Variants in IQGAP2 observed in about 807,000 individuals in gnomAD.
IQGAP2 encodes the protein ras GTPase-activating-like protein IQGAP2.
A neutral mutation model predicts 201.3 loss-of-function variants in IQGAP2; 173 were observed. The ratio of observed to expected loss-of-function variants is 0.86; its 90% CI spans 0.76 to 0.98. The LOEUF (loss-of-function observed/expected upper bound fraction) is 0.98. Among genes scored for constraint, IQGAP2 ranks in the 50% least tolerant of loss-of-function variants. The probability of loss-of-function intolerance (pLI) is 0.00; values close to 1 mark genes in which losing one functional copy is unlikely to be tolerated. For missense variants in IQGAP2, 1,687 were observed against 1,864.8 expected (o/e 0.90, Z 1.76); for synonymous variants, 675 against 673.9 (o/e 1.00, Z -0.03).
At chr5:76,536,350 C>T (rs902458041) in intron 2 of IQGAP2, among the ~76,000 whole-genome samples, 1 of 151,016 alleles carries the variant, frequency 6.6e-6, no homozygotes, top group African/African-American at 2.4e-5. Context: ...GGATCACAGG[C>T]GTGAGCTACC....
chr5:76,606,790 C>A (rs1473993852), intron 12 of IQGAP2: 2 of 152,182 alleles, frequency 1.3e-5, no homozygotes, highest in Non-Finnish European at 2.9e-5. Context: ...TGAAAGCATA[C>A]CAACCTCAGG....
Position 76,677,273 on chromosome 5 carries a change from G to A in IQGAP2, c.3583G>A (p.Asp1195Asn). Residue 1195 changes from aspartate (D) to asparagine (N), a missense_variant, in exon 28 of 36, where the codon GAC becomes AAC. Physicochemically the swap from Asp to Asn is conservative, Grantham distance 23. Coordinates refer to ENST00000274364, the MANE Select transcript of IQGAP2 (RefSeq NM_006633.5). The part of the protein sequence containing the change: ...VPEPEEKFNM[D>N]KYTDLVTVSK... ...TGAGCCAGAAGAGAAGTTTAATATG[G>A]ACAAATACACAGACCTGGTGACAGT... 2 of 1,613,204 alleles carry A rather than the reference G, an allele frequency of 1.2e-6. No individual in the cohort carries two copies. Among genetic ancestry groups the A allele is most frequent in the Non-Finnish European group, 1.7e-6 (2 of 1,179,410 alleles).
At chr5:76,597,831 A>G (rs1747146763) in intron 10 of IQGAP2, among the ~76,000 whole-genome samples, 1 of 152,228 alleles carries the variant, frequency 6.6e-6, no homozygotes. Context: ...GCAGTGGTCT[A>G]TACATATACC....
At chr5:76,565,172 C>T (rs1744659473) in intron 3 of IQGAP2, among the ~76,000 whole-genome samples, 1 of 152,110 alleles carries the variant, frequency 6.6e-6, no homozygotes. Context: ...TGTCACATAG[C>T]CCTTTGCAAG....
chr5:76,520,700 CTT>C (rs5868829), intron 2 of IQGAP2, among the ~76,000 whole-genome samples: 1 of 109,232 alleles, frequency 9.2e-6, no homozygotes. Flanking sequence ...GGTCTCTCCT[CTT>C]TTTTTTTTTT....
chr5:76,482,014 C>CT (rs1257441382), intron 2 of IQGAP2, among the ~76,000 whole-genome samples: 2 of 152,332 alleles, frequency 1.3e-5, no homozygotes, highest in African/African-American at 2.4e-5. Context: ...GTGCACTTAA[C>CT]TTTTTTCTCC....
intron 2 of IQGAP2, among the ~76,000 whole-genome samples, chr5:76,545,109 A>G (rs1359771481): frequency 6.6e-6 from 1 of 152,174 alleles, no homozygotes. Context: ...AAACTATACA[A>G]TTGTTACACT....
intron 15 of IQGAP2, among the ~76,000 whole-genome samples, chr5:76,633,012 A>G (rs576654384): frequency 1.9e-3 from 290 of 152,272 alleles, no homozygotes; most frequent in Admixed American, 3.0e-3. Flanking sequence ...TCTCTTCATC[A>G]AGAATTACTG....
chr5:76,702,497 AT>A lies in IQGAP2; in HGVS notation c.4524del (p.Phe1508LeufsTer4). ...TTCTTCACAGGTTTAAGAATGTTAC[AT>A]TTGATATCATAGCTACTGAAGATGT... ...LQTNQFKNVT[F>X]DIIATEDVGI... On this transcript the variant is annotated frameshift_variant, in exon 35 of 36. Transcript: ENST00000274364. LOFTEE classifies it high-confidence loss of function. 1 of 1,536,084 alleles carries A rather than the reference AT, an allele frequency of 6.5e-7. No individual in the cohort carries two copies. Among genetic ancestry groups the A allele is most frequent in the Non-Finnish European group, 9.0e-7 (1 of 1,109,180 alleles).
intron 17 of IQGAP2, among the ~76,000 whole-genome samples, chr5:76,645,302 G>A (rs1029080622): frequency 2.0e-5 from 3 of 152,180 alleles, no homozygotes; most frequent in African/African-American, 7.2e-5. Flanking sequence ...CAGCACTGCA[G>A]TAAACATACT....
At chr5:76,625,832 G>C (rs1750170006) in intron 13 of IQGAP2, among the ~76,000 whole-genome samples, 1 of 152,164 alleles carries the variant, frequency 6.6e-6, no homozygotes, top group Non-Finnish European at 1.5e-5. Context: ...TCACAGTCTT[G>C]ACTTAGGATT....
At chr5:76,460,758 A>G (rs972104566) in intron 1 of IQGAP2, among the ~76,000 whole-genome samples, 8 of 151,952 alleles carry the variant, frequency 5.3e-5, no homozygotes, top group Non-Finnish European at 1.0e-4. Flanking sequence ...TGAGGTCTCC[A>G]TGTTCAAGGA....
intron 23 of IQGAP2, 62 bp from the exon 24 acceptor site, chr5:76,671,697 A>G: frequency 7.9e-7 from 1 of 1,261,536 alleles, no homozygotes; most frequent in Non-Finnish European, 1.1e-6. Context: ...GGGAAAAAAA[A>G]AAAAAAAAAA....
chr5:76,461,470 T>A (rs1435560154), intron 1 of IQGAP2, 100 bp from the exon 2 acceptor site: 2 of 706,852 alleles, frequency 2.8e-6, no homozygotes, highest in Non-Finnish European at 4.7e-6. Flanking sequence ...TCTCTGAATG[T>A]TAAATGTTCA....
At chr5:76,610,983 T>G (rs758030572) in intron 12 of IQGAP2, 37 bp from the exon 13 acceptor site, 3 of 1,567,462 alleles carry the variant, frequency 1.9e-6, no homozygotes, top group South Asian at 1.2e-5. Flanking sequence ...TATAATGTAC[T>G]GTGACTTAAA....
At chr5:76,451,893 T>C (rs1409899434) in intron 1 of IQGAP2, among the ~76,000 whole-genome samples, 1 of 152,060 alleles carries the variant, frequency 6.6e-6, no homozygotes, top group Non-Finnish European at 1.5e-5. Context: ...AATAATTAAA[T>C]GAACGTGGTG....
Position 76,652,901 on chromosome 5 carries a change from G to A in IQGAP2, c.2178+68G>A. ...TTTCCCCTCATTTCATGTTTAATCT[G>A]AAAGACAGCTATAGAAAGGGAGGGT... On this transcript the variant is annotated intron_variant, in intron 18 of 35. Coordinates refer to ENST00000274364, the MANE Select transcript of IQGAP2 (RefSeq NM_006633.5). 3 of 1,029,572 alleles carry A rather than the reference G, an allele frequency of 2.9e-6. No individual in the cohort carries two copies. The East Asian group carries it at 7.1e-5, about 24-fold the overall frequency. The allele number at this position is 1,029,572 out of a possible 1,614,324, so 63.8% of individuals were successfully genotyped here. A position where few individuals can be genotyped will look rare whatever the true frequency, so the allele number is the denominator to read the frequency against.
At chr5:76,478,916 A>T (rs915997667) in intron 2 of IQGAP2, among the ~76,000 whole-genome samples, 7 of 152,042 alleles carry the variant, frequency 4.6e-5, no homozygotes, top group Non-Finnish European at 1.0e-4. Flanking sequence ...AATTTTCTGT[A>T]CCTAGTTCAT....
At chr5:76,569,636 TG>T (rs1744980039) in intron 3 of IQGAP2, among the ~76,000 whole-genome samples, 2 of 152,220 alleles carry the variant, frequency 1.3e-5, no homozygotes, top group Non-Finnish European at 2.9e-5. Context: ...ATTATTAGAT[TG>T]TAGAAGGTAA....
Sources: allele counts gnomAD v4.1 joint callset (sites outside exome capture counted in the v4.1 genomes callset), GRCh38; gene constraint gnomAD v4.1.1; transcripts MANE v1.5; gene names NCBI Gene and HGNC (gene_info 2026-07-23, HGNC 2026-07-21).